DLEC1: variants seen among roughly 807,000 people sequenced by gnomAD.
The protein encoded by DLEC1 is DLEC1 cilia and flagella associated protein.
A neutral mutation model predicts 198.1 loss-of-function variants in DLEC1; 146 were observed. That is an observed-to-expected ratio of 0.74 (90% confidence interval 0.64 to 0.85). The LOEUF is 0.85. Among genes scored for constraint, DLEC1 ranks in the 40% least tolerant of loss-of-function variants. The pLI is 0.00. For missense variants in DLEC1, 2,233 were observed against 2,220.0 expected, an observed-to-expected ratio of 1.01 and a Z score of -0.12; for synonymous variants, 897 against 866.8, an observed-to-expected ratio of 1.03 and a Z score of -0.61.
intron 25 of DLEC1, among the ~76,000 whole-genome samples, chr3:38,113,257 A>C (rs1421792562): frequency 6.6e-6 from 1 of 152,238 alleles, no homozygotes; most frequent in East Asian, 1.9e-4. Context: ...GTTGGTGAAG[A>C]TACAGGGGAA....
Position 38,084,488 on chromosome 3 carries a change from G to GTGGTGGTT in DLEC1, c.1261+243_1261+244insTGGTGGTT, listed in dbSNP as rs1698295067. On this transcript the variant is annotated intron_variant, in intron 7 of 36. Coordinates refer to ENST00000308059, the MANE Select transcript of DLEC1 (RefSeq NM_007335.4). Reference sequence around the variant, plus strand: ...TAGTAGTGGTGGTGGTGGTAGTAGTGGTGGTAGTAGTAGTGGTAGTAGTAG... The same window carrying GTGGTGGTT: ...TAGTAGTGGTGGTGGTGGTAGTAGTGTGGTGGTTGTGGTAGTAGTAGTGGTAGTAGTAG... Among the ~76,000 whole-genome samples the GTGGTGGTT allele has an allele frequency of 3.4e-4, 5 of 14,850 alleles. 1 individual carries two copies. The highest frequency in any genetic ancestry group is 6.9e-4 in the Admixed American group (1 of 1,448). 9.7% of individuals were successfully genotyped at this position (14,850 alleles called of 152,430 possible). A position where few individuals can be genotyped will look rare whatever the true frequency, so the allele number is the denominator to read the frequency against.
chr3:38,084,563 G>GGTGGTGGTA (rs1698321069), intron 7 of DLEC1, among the ~76,000 whole-genome samples: 1 of 58,776 alleles, frequency 1.7e-5, no homozygotes, highest in Non-Finnish European at 4.0e-5. Flanking sequence ...TAGTAGTAGT[G>GGTGGTGGTA]GTAGTAGTAG....
chr3:38,120,570 T>C lies in DLEC1; in HGVS notation c.4827T>C (p.Thr1609=), dbSNP rs1700397031. 1 of 1,613,986 alleles carries C rather than the reference T, an allele frequency of 6.2e-7. No individual in the cohort carries two copies. The highest frequency in any genetic ancestry group is 8.5e-7 in the Non-Finnish European group (1 of 1,180,038). ...GTGGAGAGAGAGAGATGGTGTTTAC[T>C]CAGAACCTGCTCCTGGAGTACACCA... ...SASGEREMVF[T]QNLLLEYTNQ... is the part of the protein sequence containing the mutation. Residue 1609 remains threonine, a synonymous_variant, in exon 34 of 37, where the codon ACT becomes ACC. Coordinates refer to ENST00000308059, the MANE Select transcript of DLEC1 (RefSeq NM_007335.4).
chr3:38,073,571 G>T (rs1036623427), intron 6 of DLEC1, among the ~76,000 whole-genome samples: 4 of 152,100 alleles, frequency 2.6e-5, no homozygotes, highest in Non-Finnish European at 5.9e-5. Flanking sequence ...GAGAAGAGCG[G>T]CAATGAGATG....
At position 38,107,709 on chromosome 3, in the gene DLEC1, T is replaced by A. The variant is rs1699639819; in HGVS notation, c.2990T>A (p.Leu997His). The A allele has an allele frequency of 3.1e-6, 5 of 1,614,046 alleles. No individual in the cohort carries two copies. The highest frequency in any genetic ancestry group is 4.2e-6 in the Non-Finnish European group (5 of 1,179,988). Residue 997 changes from leucine to histidine, a missense_variant, in exon 20 of 37, where the codon CTC becomes CAC. By Grantham distance (99) the Leu-to-His change is moderately conservative (BLOSUM62 -3). Transcript: ENST00000308059. ...KTTITLINGT[L>H]LPTQFHWGKL... Reference sequence around the variant, plus strand: ...ACCATCACACTTATCAATGGCACGCTCCTGCCTACCCAGTTCCACTGGGGC... The same window carrying A: ...ACCATCACACTTATCAATGGCACGCACCTGCCTACCCAGTTCCACTGGGGC...
chr3:38,086,729 G>T (rs533482508), intron 9 of DLEC1, among the ~76,000 whole-genome samples: 12 of 152,286 alleles, frequency 7.9e-5, no homozygotes, highest in African/African-American at 2.9e-4. Context: ...GCCAAATTCT[G>T]CTGGTATTTG....
chr3:38,071,870 G>A (rs916848304), intron 6 of DLEC1, among the ~76,000 whole-genome samples: 3 of 152,154 alleles, frequency 2.0e-5, no homozygotes, highest in Non-Finnish European at 2.9e-5. Flanking sequence ...AGATATTGAC[G>A]CATAGTCCTT....
At chr3:38,073,088 C>T (rs933067164) in intron 6 of DLEC1, among the ~76,000 whole-genome samples, 2 of 152,010 alleles carry the variant, frequency 1.3e-5, no homozygotes, top group Non-Finnish European at 2.9e-5. Context: ...CAGGGTCAGT[C>T]CAGGTGAAAG....
At chr3:38,085,824 TG>T (rs1260694275) in intron 8 of DLEC1, among the ~76,000 whole-genome samples, 2 of 152,076 alleles carry the variant, frequency 1.3e-5, no homozygotes, top group East Asian at 1.9e-4. Flanking sequence ...CTCGTGGCTG[TG>T]GGGGTAGGAG....
chr3:38,041,275 T>C (rs368349744), intron 1 of DLEC1, among the ~76,000 whole-genome samples: 3 of 152,050 alleles, frequency 2.0e-5, no homozygotes, highest in African/African-American at 7.2e-5. Context: ...GTGTTGGGAT[T>C]ACAGGCATGA....
chr3:38,109,465 G>A lies in DLEC1; in HGVS notation c.3163G>A (p.Val1055Met), dbSNP rs200506270. ...GACCCATCTGGCCCTCCCTTGTCAC[G>A]TGTCAGGCATGAAGAAGCCACTGGT... Reference protein sequence around the residue: ...ELTHLALPCHVSGMKKPLVLG... With the variant: ...ELTHLALPCHMSGMKKPLVLG... The change falls in exon 22 of 37, where the codon GTG (valine) becomes ATG (methionine). Residue 1055 changes from valine to methionine, a missense_variant. Physicochemically the swap from Val to Met is conservative, Grantham distance 21 (BLOSUM62 1). Coordinates refer to ENST00000308059, the MANE Select transcript of DLEC1 (RefSeq NM_007335.4). 135 of 1,614,198 alleles carry A rather than the reference G, an allele frequency of 8.4e-5. No homozygotes were observed. Among genetic ancestry groups the A allele is most frequent in the South Asian group, 3.0e-4 (27 of 91,084 alleles).
intron 10 of DLEC1, among the ~76,000 whole-genome samples, chr3:38,090,571 A>C (rs897771018): frequency 7.2e-5 from 11 of 152,246 alleles, no homozygotes; most frequent in African/African-American, 2.7e-4. Context: ...GCTACAAATT[A>C]TGTATAAATT....
At chr3:38,120,759 C>A in intron 34 of DLEC1, 150 bp downstream of exon 34, 3 of 1,158,490 alleles carry the variant, frequency 2.6e-6, no homozygotes, top group Non-Finnish European at 3.6e-6. Flanking sequence ...TAGAAGAGGC[C>A]CTGTGTGCAG....
chr3:38,097,112 G>A (rs746085472), intron 15 of DLEC1, 70 bp from the exon 16 acceptor site: 2 of 1,379,850 alleles, frequency 1.4e-6, no homozygotes, highest in Non-Finnish European at 2.0e-6. Flanking sequence ...CAATCCTACA[G>A]TCCTTCAGCA....
chr3:38,102,615 G>A (rs922591463), intron 19 of DLEC1, among the ~76,000 whole-genome samples: 1 of 152,164 alleles, frequency 6.6e-6, no homozygotes, highest in Non-Finnish European at 1.5e-5. Flanking sequence ...AGCTGGTGTT[G>A]TAAGTTTCTT....
intron 15 of DLEC1, 133 bp downstream of exon 15, chr3:38,096,870 TG>T: frequency 9.0e-7 from 1 of 1,112,524 alleles, no homozygotes; most frequent in South Asian, 1.5e-5. Context: ...CCCAGGGCTT[TG>T]AACCCAACTT....
intron 6 of DLEC1, among the ~76,000 whole-genome samples, chr3:38,073,288 T>C (rs956629117): frequency 9.9e-5 from 15 of 152,230 alleles, no homozygotes; most frequent in African/African-American, 1.4e-4. Context: ...AAGACTTGTC[T>C]GGTTTTTGGA....
chr3:38,080,802 C>CTTTTTTTTTTTTTTT (rs76282097), intron 6 of DLEC1, among the ~76,000 whole-genome samples: 1 of 112,798 alleles, frequency 8.9e-6, no homozygotes, highest in Non-Finnish European at 1.8e-5. Context: ...TTCGGGTGTT[C>CTTTTTTTTTTTTTTT]TTTTTTTTTT....
At chr3:38,108,627 G>A in intron 21 of DLEC1, 112 bp downstream of exon 21, 1 of 828,708 alleles carries the variant, frequency 1.2e-6, no homozygotes, top group Non-Finnish European at 2.0e-6. Context: ...TCTTGTGGGT[G>A]GGGAAGAGAT....
Sources: gnomAD v4.1 joint callset for allele counts (sites outside exome capture counted in the v4.1 genomes callset) on GRCh38, gnomAD v4.1.1 for gene constraint, MANE v1.5 for transcripts, NCBI Gene and HGNC (gene_info 2026-07-23, HGNC 2026-07-21) for gene names.